Variants in MID1 observed in about 807,000 individuals in gnomAD.
MID1 encodes the protein midline 1.
Under a neutral mutation model 40.4 loss-of-function variants are expected in MID1, and 7 were observed. The observed-to-expected ratio is 0.17, with a 90% CI of 0.10 to 0.33. MID1 has a LOEUF of 0.33. MID1 is among the 10% of genes least tolerant of loss of function. The pLI is 1.00. For synonymous variants in MID1, 229 were observed against 221.2 expected, an observed-to-expected ratio of 1.04 and a Z score of -0.31; for missense variants, 367 against 558.5, an observed-to-expected ratio of 0.66 and a Z score of 3.46.
chrX:10,678,584 C>T (rs2043038218), intron 1 of MID1, among the ~76,000 whole-genome samples: 1 of 111,601 alleles, frequency 9.0e-6, no homozygotes, highest in Non-Finnish European at 1.9e-5. Flanking sequence ...ATTTTAAAAA[C>T]CTTTTCCATG....
rs1385529317 is a variant in MID1, at chrX:10,763,425, C to T, written c.-187+70129G>A. Among the ~76,000 whole-genome samples, 17 of 102,530 alleles carry T rather than the reference C, an allele frequency of 1.7e-4. No homozygotes were observed. The Admixed American group carries it at 2.0e-3, about 12-fold the overall frequency. 89.0% of individuals were successfully genotyped at this position (102,530 alleles called of 115,157 possible). A position where few individuals can be genotyped will look rare whatever the true frequency, so the allele number is the denominator to read the frequency against. ...GTGAGAACATGCAGTGTTTGGTTTTCTGTCCTTGTGATAGTTTGCTCAGAA... is the reference window on the plus strand; with the variant it reads ...GTGAGAACATGCAGTGTTTGGTTTTTTGTCCTTGTGATAGTTTGCTCAGAA... On this transcript the variant is annotated intron_variant, in intron 1 of 10. Transcript: ENST00000380785.
rs1314143742 is a variant in MID1 at position 10,585,729 on chromosome X, T to A, written c.-56-18126A>T. 2.9e-5 allele frequency among the ~76,000 whole-genome samples: 3 copies of A among 104,294 alleles called. No individual in the cohort carries two copies. In the East Asian group the frequency reaches 8.9e-4, roughly 31 times the overall value. The allele number at this position is 104,294 out of a possible 115,157, so 90.6% of individuals were successfully genotyped here. ...TTTCCCTTGCTGAAGGTGGACAGGATTTTTTTTTTTTATCCAAGTAGCCTA... is the reference window on the plus strand; with the variant it reads ...TTTCCCTTGCTGAAGGTGGACAGGAATTTTTTTTTTTATCCAAGTAGCCTA... On this transcript the variant is annotated intron_variant, in intron 1 of 9. Coordinates refer to ENST00000317552, the MANE Select transcript of MID1 (RefSeq NM_000381.4).
intron 1 of MID1, among the ~76,000 whole-genome samples, chrX:10,763,211 C>T (rs189772899): frequency 2.4e-3 from 259 of 107,810 alleles, no homozygotes; most frequent in African/African-American, 5.8e-3. Flanking sequence ...ATGTGCACAA[C>T]GTGCAGGTTT....
At chrX:10,481,937 C>T (rs753145874) in intron 5 of MID1, among the ~76,000 whole-genome samples, 2 of 111,888 alleles carry the variant, frequency 1.8e-5, no homozygotes, top group Non-Finnish European at 3.8e-5. Flanking sequence ...AAAAGAAGCC[C>T]GTATGAGGTT....
intron 2 of MID1, among the ~76,000 whole-genome samples, chrX:10,534,433 T>C (rs1468186568): frequency 8.9e-6 from 1 of 112,369 alleles, no homozygotes; most frequent in East Asian, 2.8e-4. Context: ...AGGTACTTCA[T>C]GTCAGTTAAA....
intron 1 of MID1, among the ~76,000 whole-genome samples, chrX:10,601,744 C>T (rs139048565): frequency 9.9e-5 from 11 of 111,107 alleles, no homozygotes; most frequent in African/African-American, 3.0e-4. Context: ...CACACACGTA[C>T]GTGTGCACAC....
intron 1 of MID1, among the ~76,000 whole-genome samples, chrX:10,571,490 C>CTTTTT (rs757552435): frequency 1.1e-5 from 1 of 92,769 alleles, no homozygotes; most frequent in Non-Finnish European, 2.2e-5. Flanking sequence ...CCATTCATTC[C>CTTTTT]TTTTTTTTTT....
Position 10,664,640 on chromosome X carries a change from T to G in MID1, c.-186-44221A>C, listed in dbSNP as rs149809259. Among the ~76,000 whole-genome samples, 900 of 112,636 alleles carry G rather than the reference T, an allele frequency of 8.0e-3. 8 individuals are homozygous for G. Among genetic ancestry groups the G allele is most frequent in the African/African-American group, 0.027 (847 of 30,979 alleles). ...CTAAAAGTACACTCGTTGGATCATA[T>G]GGTAACCTTATGTTTAACTTTTTGA... On this transcript the variant is annotated intron_variant, in intron 1 of 10. Transcript: ENST00000380785.
chrX:10,562,218 C>G (rs1409590725), intron 2 of MID1, among the ~76,000 whole-genome samples: 1 of 103,602 alleles, frequency 9.7e-6, no homozygotes, highest in African/African-American at 3.9e-5. Flanking sequence ...TGGGGCCTGT[C>G]AGGGTTGTGG....
rs1035185095 is a variant in MID1 at position 10,449,748 on chromosome X, A to G, written c.1656-32T>C. The G allele has an allele frequency of 4.7e-6, 5 of 1,054,953 alleles. No homozygotes were observed. The African/African-American group carries it at 7.4e-5, about 16-fold the overall frequency. The allele number at this position is 1,054,953 out of a possible 1,213,427, so 86.9% of individuals were successfully genotyped here. A position where few individuals can be genotyped will look rare whatever the true frequency, so the allele number is the denominator to read the frequency against. ...AAACAAAACAGCAACAACAAAAACA[A>G]TGAGCCATGTTGCACATGCACGTTA... is the stretch of plus-strand genomic sequence containing the variant. On this transcript the variant is annotated intron_variant, in intron 9 of 9. Transcript: ENST00000317552.
chrX:10,652,145 G>A (rs1303632189), intron 1 of MID1, among the ~76,000 whole-genome samples: 1 of 111,548 alleles, frequency 9.0e-6, no homozygotes. Flanking sequence ...TTTATTACTG[G>A]AAGTCTTGAT....
chrX:10,645,792 CT>C (rs1334319990), intron 1 of MID1, among the ~76,000 whole-genome samples: 1 of 111,757 alleles, frequency 8.9e-6, no homozygotes, highest in East Asian at 2.8e-4. Flanking sequence ...CCAAGGACCT[CT>C]TGATTCCTAC....
intron 7 of MID1, among the ~76,000 whole-genome samples, chrX:10,465,212 TATACACACACACACAC>T (rs1156752313): frequency 7.1e-5 from 4 of 56,024 alleles, no homozygotes; most frequent in Middle Eastern, 8.3e-3. Context: ...TATATATATA[TATACACACACACACAC>T]ACACACACAC....
chrX:10,824,724 G>A (rs868421456), intron 1 of MID1, among the ~76,000 whole-genome samples: 13 of 111,738 alleles, frequency 1.2e-4, no homozygotes, highest in Admixed American at 3.8e-4. Context: ...GAAAAATTAC[G>A]AAGGCAGGGA....
Position 10,636,785 on chromosome X carries a change from G to GATATATATATATATATATATATATATAT in MID1, c.-186-16394_-186-16367dup, listed in dbSNP as rs60188235. 3.3e-4 allele frequency among the ~76,000 whole-genome samples: 14 copies of GATATATATATATATATATATATATATAT among 42,704 alleles called. 1 individual carries two copies. Among genetic ancestry groups the GATATATATATATATATATATATATATAT allele is most frequent in the South Asian group, 1.4e-3 (1 of 725 alleles). The allele number at this position is 42,704 out of a possible 115,157, so 37.1% of individuals were successfully genotyped here. On this transcript the variant is annotated intron_variant, in intron 1 of 10. Transcript: ENST00000380785. ...CAAACTGGGCCATTCCAACAATGGG[G>GATATATATATATATATATATATATATAT]ATATATATATATATATATATATATA...
chrX:10,754,379 G>A (rs747551082), intron 1 of MID1, among the ~76,000 whole-genome samples: 24 of 108,946 alleles, frequency 2.2e-4, no homozygotes, highest in Non-Finnish European at 3.6e-4. Context: ...GAGATAAAAC[G>A]TACAGAATAC....
At chrX:10,606,866 G>T (rs1935634220) in intron 1 of MID1, among the ~76,000 whole-genome samples, 1 of 110,858 alleles carries the variant, frequency 9.0e-6, no homozygotes, top group South Asian at 3.9e-4. Flanking sequence ...CAAGTAGCTG[G>T]GACTACAGGT....
intron 1 of MID1, among the ~76,000 whole-genome samples, chrX:10,746,186 A>G (rs921913831): frequency 3.6e-5 from 4 of 112,009 alleles, no homozygotes; most frequent in Non-Finnish European, 7.5e-5. Flanking sequence ...ATGCTTGGGA[A>G]GAGCCAGAGA....
intron 1 of MID1, among the ~76,000 whole-genome samples, chrX:10,667,432 T>C (rs901824478): frequency 3.6e-5 from 4 of 111,709 alleles, no homozygotes; most frequent in Non-Finnish European, 7.5e-5. Context: ...AACTCTGTTC[T>C]GAAATTGCCC....
Sources: gnomAD v4.1 joint callset for allele counts (sites outside exome capture counted in the v4.1 genomes callset) on GRCh38, gnomAD v4.1.1 for gene constraint, MANE v1.5 for transcripts, NCBI Gene and HGNC (gene_info 2026-07-23, HGNC 2026-07-21) for gene names.